Variants in ROBO1 observed in about 807,000 individuals in gnomAD.
The protein encoded by ROBO1 is roundabout guidance receptor 1, also known as roundabout homolog 1.
ROBO1 carries 149 observed loss-of-function variants against 195.9 expected under a neutral mutation model. That is an observed-to-expected ratio of 0.76 (90% CI 0.67 to 0.87). The LOEUF is 0.87. Among genes scored for constraint, ROBO1 ranks in the 40% least tolerant of loss-of-function variants. The pLI is 0.00. For missense variants in ROBO1, 1,933 were observed against 2,068.3 expected (o/e 0.93, Z 1.27); for synonymous variants, 816 against 733.2 (o/e 1.11, Z -1.82).
intron 3 of ROBO1, among the ~76,000 whole-genome samples, chr3:78,991,346 TTGAAG>T (rs1283028453): frequency 6.6e-6 from 1 of 152,288 alleles, no homozygotes; most frequent in African/African-American, 2.4e-5. Flanking sequence ...TAGAAGTGTG[TTGAAG>T]TAGCTTTGGA....
intron 2 of ROBO1, among the ~76,000 whole-genome samples, chr3:79,410,728 G>A (rs897328544): frequency 5.7e-4 from 86 of 152,202 alleles, no homozygotes; most frequent in African/African-American, 2.0e-3. Flanking sequence ...AGACGCAAAA[G>A]AGGGATAAAG....
chr3:79,259,831 C>A (rs2082906838), intron 2 of ROBO1, among the ~76,000 whole-genome samples: 1 of 152,092 alleles, frequency 6.6e-6, no homozygotes, highest in Non-Finnish European at 1.5e-5. Context: ...TGATAATCTG[C>A]TATCTCCAAT....
chr3:78,998,996 T>C (rs1204970420), intron 3 of ROBO1, among the ~76,000 whole-genome samples: 1 of 151,958 alleles, frequency 6.6e-6, no homozygotes, highest in East Asian at 1.9e-4. Flanking sequence ...TTCAGAGAAA[T>C]GCAAATCAAA....
At chr3:79,729,296 G>C (rs1703049858) in intron 1 of ROBO1, among the ~76,000 whole-genome samples, 1 of 152,134 alleles carries the variant, frequency 6.6e-6, no homozygotes, top group African/African-American at 2.4e-5. Flanking sequence ...CTAGCTCCAG[G>C]GAATGAAGTC....
chr3:79,649,276 A>G (rs1435522070), intron 1 of ROBO1, among the ~76,000 whole-genome samples: 1 of 152,030 alleles, frequency 6.6e-6, no homozygotes. Context: ...CAAATAAACC[A>G]TTGTTGAACA....
chr3:78,740,960 T>G (rs1010038973), intron 5 of ROBO1, among the ~76,000 whole-genome samples: 2 of 152,192 alleles, frequency 1.3e-5, no homozygotes, highest in Admixed American at 6.5e-5. Context: ...TTACTACTTG[T>G]CAATTAGCAG....
intron 8 of ROBO1, among the ~76,000 whole-genome samples, chr3:78,705,045 A>C (rs1370123220): frequency 5.3e-5 from 8 of 152,220 alleles, no homozygotes; most frequent in Non-Finnish European, 1.5e-5. Flanking sequence ...GTTTATATTC[A>C]GTTAATTCAA....
At chr3:79,691,849 G>T (rs1947306986) in intron 1 of ROBO1, among the ~76,000 whole-genome samples, 1 of 151,782 alleles carries the variant, frequency 6.6e-6, no homozygotes, top group Non-Finnish European at 1.5e-5. Flanking sequence ...TACGAACCTG[G>T]TGTTGCTGTT....
chr3:79,605,979 T>C (rs1944468246), intron 1 of ROBO1, among the ~76,000 whole-genome samples: 1 of 134,976 alleles, frequency 7.4e-6, no homozygotes, highest in South Asian at 2.2e-4. Flanking sequence ...GAAGTTTACA[T>C]ATATGTGTGT....
At chr3:78,741,983 A>T (rs1341691723) in intron 5 of ROBO1, among the ~76,000 whole-genome samples, 1 of 152,140 alleles carries the variant, frequency 6.6e-6, no homozygotes, top group East Asian at 1.9e-4. Context: ...ATCATCCAGG[A>T]TCTAAAATTT....
At chr3:78,600,042 G>A (rs755607355) in intron 30 of ROBO1, 71 bp downstream of exon 30, 1 of 1,212,122 alleles carries the variant, frequency 8.2e-7, no homozygotes, top group Non-Finnish European at 1.2e-6. Context: ...TCTGTACACT[G>A]ATGAAGGTTC....
intron 3 of ROBO1, among the ~76,000 whole-genome samples, chr3:79,014,727 C>T (rs2077879622): frequency 1.3e-5 from 2 of 152,170 alleles, no homozygotes; most frequent in Non-Finnish European, 2.9e-5. Flanking sequence ...TGAATGATAA[C>T]TTTGCTTTCC....
chr3:78,918,541 A>C (rs2038762669), intron 4 of ROBO1, among the ~76,000 whole-genome samples: 1 of 152,152 alleles, frequency 6.6e-6, no homozygotes, highest in South Asian at 2.1e-4. Flanking sequence ...AGTTTACAGC[A>C]ATCTTTCCTA....
chr3:78,766,204 C>T (rs2108394734), intron 4 of ROBO1, among the ~76,000 whole-genome samples: 1 of 152,222 alleles, frequency 6.6e-6, no homozygotes, highest in East Asian at 1.9e-4. Flanking sequence ...TCAAAATGAT[C>T]TTGAACAAAG....
At chr3:78,807,427 G>GA (rs944097170) in intron 4 of ROBO1, among the ~76,000 whole-genome samples, 11 of 151,532 alleles carry the variant, frequency 7.3e-5, no homozygotes, top group Non-Finnish European at 1.2e-4. Flanking sequence ...GGATTTCAGA[G>GA]AAAAAAAAAT....
At chr3:79,166,553 T>C (rs1021330027) in intron 2 of ROBO1, among the ~76,000 whole-genome samples, 1 of 149,332 alleles carries the variant, frequency 6.7e-6, no homozygotes, top group African/African-American at 2.5e-5. Context: ...GCAAGTTTTC[T>C]ATTTTTCTTT....
At chr3:79,740,621 C>T (rs1172851010) in intron 1 of ROBO1, among the ~76,000 whole-genome samples, 2 of 152,086 alleles carry the variant, frequency 1.3e-5, no homozygotes, top group Admixed American at 6.5e-5. Context: ...CATCAGATCT[C>T]GTGAGAACTC....
chr3:79,728,269 A>T (rs1479718399), intron 1 of ROBO1, among the ~76,000 whole-genome samples: 2 of 152,124 alleles, frequency 1.3e-5, no homozygotes, highest in African/African-American at 4.8e-5. Context: ...CTTGAAAGGT[A>T]TCTCACCTTT....
intron 2 of ROBO1, among the ~76,000 whole-genome samples, chr3:79,243,709 C>T (rs1190780710): frequency 6.6e-6 from 1 of 152,110 alleles, no homozygotes; most frequent in Non-Finnish European, 1.5e-5. Flanking sequence ...TGTTTGAGTT[C>T]ATCGTAGATT....
Sources: gnomAD v4.1 joint callset for allele counts (sites outside exome capture counted in the v4.1 genomes callset) on GRCh38, gnomAD v4.1.1 for gene constraint, MANE v1.5 for transcripts, NCBI Gene and HGNC (gene_info 2026-07-23, HGNC 2026-07-21) for gene names.